Variants in CHST8 observed in about 807,000 individuals in gnomAD.
CHST8 encodes the protein GALNAC-4-ST1.
In CHST8, 10 loss-of-function variants were observed where a neutral mutation model predicts 15.0. The observed-to-expected ratio is 0.67, with a 90% CI of 0.41 to 1.13. The LOEUF (loss-of-function observed/expected upper bound fraction) is 1.13. Among genes scored for constraint, CHST8 ranks in the 50% most tolerant of loss-of-function variants. The pLI, the probability that CHST8 is intolerant of heterozygous loss-of-function variation, is 0.00. For synonymous variants in CHST8, 259 were observed against 256.6 expected (o/e 1.01, Z -0.09); for missense variants, 634 against 608.2 (o/e 1.04, Z -0.45).
chr19:33,676,907 G>A (rs1972817523), intron 2 of CHST8, among the ~76,000 whole-genome samples: 1 of 151,804 alleles, frequency 6.6e-6, no homozygotes, highest in African/African-American at 2.4e-5. Context: ...AAGAAATCCA[G>A]GTTTCCAAAT....
rs766575389 is a variant in CHST8 at position 33,772,176 on chromosome 19, T to C, written c.388T>C (p.Ser130Pro). Reference sequence around the variant, plus strand: ...TGCGGCGACCATCCCGGCCAACAGCTCGGACGCGCCCTTCATCCGGCCGGG... The same window carrying C: ...TGCGGCGACCATCCCGGCCAACAGCCCGGACGCGCCCTTCATCCGGCCGGG... ...PAAATIPANSSDAPFIRPGPG... is the reference protein window; with the variant it reads ...PAAATIPANSPDAPFIRPGPG... The change falls in exon 5 of 5, where the codon TCG (serine) becomes CCG (proline). Residue 130 changes from serine to proline, a missense_variant. Transcript: ENST00000650847. The C allele has an allele frequency of 1.9e-6, 3 of 1,598,634 alleles. No individual in the cohort carries two copies. In the Admixed American group the frequency reaches 5.1e-5, roughly 27 times the overall value.
intron 3 of CHST8, among the ~76,000 whole-genome samples, chr19:33,757,414 G>T (rs36046888): frequency 1.0e-3 from 7 of 6,936 alleles, no homozygotes; most frequent in Admixed American, 1.7e-3. Flanking sequence ...AAGAAAGAAA[G>T]AAAGAAAGAA....
At chr19:33,681,478 C>G (rs1371604619) in intron 2 of CHST8, among the ~76,000 whole-genome samples, 2 of 149,120 alleles carry the variant, frequency 1.3e-5, no homozygotes, top group Non-Finnish European at 1.5e-5. Context: ...CTCTGGGGCA[C>G]AGCCCTGGCA....
intron 3 of CHST8, among the ~76,000 whole-genome samples, chr19:33,753,295 C>A (rs1167009523): frequency 6.6e-6 from 1 of 151,798 alleles, no homozygotes; most frequent in Non-Finnish European, 1.5e-5. Context: ...CCTTTCTAGG[C>A]CCCATCTCCA....
intron 3 of CHST8, among the ~76,000 whole-genome samples, chr19:33,735,687 C>T (rs1190820607): frequency 6.6e-6 from 1 of 152,184 alleles, no homozygotes; most frequent in South Asian, 2.1e-4. Flanking sequence ...ATTAGCCGGG[C>T]GTGCTGGTGC....
intron 3 of CHST8, among the ~76,000 whole-genome samples, chr19:33,698,399 A>G (rs573213230): frequency 1.1e-4 from 15 of 135,864 alleles, no homozygotes; most frequent in South Asian, 6.4e-4. Context: ...AAAAAAAAAA[A>G]AAAGAAAGAA....
intron 2 of CHST8, among the ~76,000 whole-genome samples, chr19:33,686,633 C>T (rs1370315084): frequency 1.3e-5 from 2 of 152,176 alleles, no homozygotes; most frequent in Non-Finnish European, 2.9e-5. Flanking sequence ...AGCCATGAAG[C>T]TGTTCTCCTT....
Position 33,696,607 on chromosome 19 carries a change from T to TAAATAA in CHST8, c.130+7216_130+7217insAAATAA, listed in dbSNP as rs1214736629. ...TAATAGAAATAAAGTGCACAATAAA[T>TAAATAA]GTAACGTGCTTGAACCACCTCGAAA... On this transcript the variant is annotated intron_variant, in intron 3 of 4. Transcript: ENST00000650847. 6.6e-5 allele frequency among the ~76,000 whole-genome samples: 10 copies of TAAATAA among 152,192 alleles called. No homozygotes were observed. The East Asian group carries it at 1.9e-3, about 29-fold the overall frequency.
chr19:33,639,024 A>T (rs545878794), intron 1 of CHST8, among the ~76,000 whole-genome samples: 2 of 150,778 alleles, frequency 1.3e-5, no homozygotes, highest in Non-Finnish European at 2.9e-5. Context: ...ATTGTGCTTA[A>T]AGGTGGCTTG....
At chr19:33,698,362 G>A (rs1189772430) in intron 3 of CHST8, among the ~76,000 whole-genome samples, 6 of 149,712 alleles carry the variant, frequency 4.0e-5, no homozygotes, top group South Asian at 2.1e-4. Flanking sequence ...CAGCCTGGGC[G>A]ACAAAGCGAG....
chr19:33,693,443 ATGTC>A (rs1973139193), intron 3 of CHST8, among the ~76,000 whole-genome samples: 1 of 152,188 alleles, frequency 6.6e-6, no homozygotes, highest in Admixed American at 6.5e-5. Context: ...CAGTGTGCAA[ATGTC>A]TGTCTCACAA....
intron 3 of CHST8, among the ~76,000 whole-genome samples, chr19:33,734,863 AC>A (rs1344258331): frequency 2.0e-5 from 3 of 152,138 alleles, no homozygotes; most frequent in African/African-American, 4.8e-5. Flanking sequence ...GGTTCTGTTG[AC>A]AACCAAGTCT....
chr19:33,641,605 G>A (rs548710301), intron 1 of CHST8, among the ~76,000 whole-genome samples: 1 of 152,212 alleles, frequency 6.6e-6, no homozygotes, highest in East Asian at 1.9e-4. Context: ...AGGGAAGAAG[G>A]GGGCTGGTAA....
At chr19:33,702,162 C>T (rs529137222) in intron 3 of CHST8, among the ~76,000 whole-genome samples, 91 of 152,184 alleles carry the variant, frequency 6.0e-4, no homozygotes, top group African/African-American at 2.1e-3. Context: ...TTAGTAAAGA[C>T]GGAGTTTCAC....
intron 3 of CHST8, among the ~76,000 whole-genome samples, chr19:33,732,848 C>G (rs1338550482): frequency 6.6e-6 from 1 of 152,188 alleles, no homozygotes; most frequent in Non-Finnish European, 1.5e-5. Flanking sequence ...TTAATTCTCA[C>G]AAGGTTCCCT....
At chr19:33,694,443 C>G (rs1457851498) in intron 3 of CHST8, among the ~76,000 whole-genome samples, 1 of 151,644 alleles carries the variant, frequency 6.6e-6, no homozygotes, top group African/African-American at 2.4e-5. Flanking sequence ...CTGGCACAGA[C>G]AATGGGATTG....
intron 3 of CHST8, among the ~76,000 whole-genome samples, chr19:33,767,592 A>T (rs904649936): frequency 1.3e-5 from 2 of 152,226 alleles, no homozygotes; most frequent in Non-Finnish European, 2.9e-5. Flanking sequence ...ATCATAGCGC[A>T]TGTGTTCCAG....
chr19:33,746,104 G>A (rs1281516779), intron 3 of CHST8, among the ~76,000 whole-genome samples: 1 of 152,146 alleles, frequency 6.6e-6, no homozygotes, highest in African/African-American at 2.4e-5. Flanking sequence ...TTCCTTCCAA[G>A]TGTTGCCATT....
intron 3 of CHST8, among the ~76,000 whole-genome samples, chr19:33,718,941 G>T (rs1223927774): frequency 6.6e-6 from 1 of 152,034 alleles, no homozygotes; most frequent in African/African-American, 2.4e-5. Flanking sequence ...GAGAGGGAAG[G>T]AGGCCTCCAG....
Sources: gnomAD v4.1 joint callset for allele counts (sites outside exome capture counted in the v4.1 genomes callset) on GRCh38, gnomAD v4.1.1 for gene constraint, MANE v1.5 for transcripts, NCBI Gene and HGNC (gene_info 2026-07-23, HGNC 2026-07-21) for gene names.